ANO10: variants seen among roughly 807,000 people sequenced by gnomAD.
ANO10 encodes the protein anoctamin-10.
A neutral mutation model predicts 74.7 loss-of-function variants in ANO10; 77 were observed. That is an observed-to-expected ratio of 1.03 (90% CI 0.86 to 1.25). The LOEUF (loss-of-function observed/expected upper bound fraction) is 1.25. Ranked by LOEUF, ANO10 falls within the 50% of genes most tolerant of loss-of-function variation. The pLI is 0.00. For synonymous variants in ANO10, 279 were observed against 284.9 expected (o/e 0.98, Z 0.21); for missense variants, 721 against 778.1 (o/e 0.93, Z 0.87).
In ANO10 at chr3:43,433,751, T is replaced by A. The variant is rs530170575; in HGVS notation, c.1798-1024A>T. The stretch of plus-strand genomic sequence containing the variant: ...GCTGTTCAGATGTATAGGCTCAACC[T>A]ACTGATACTTCTCCGAATCCAGATC... On this transcript the variant is annotated intron_variant, in intron 11 of 12. Coordinates refer to ENST00000292246, the MANE Select transcript of ANO10 (RefSeq NM_018075.5). Among the ~76,000 whole-genome samples, 188 of 152,338 alleles carry A rather than the reference T, an allele frequency of 1.2e-3. 1 individual carries two copies. Among genetic ancestry groups the A allele is most frequent in the African/African-American group, 3.9e-3 (164 of 41,582 alleles).
intron 12 of ANO10, among the ~76,000 whole-genome samples, chr3:43,395,096 T>C (rs914379186): frequency 6.6e-6 from 1 of 152,142 alleles, no homozygotes; most frequent in Non-Finnish European, 1.5e-5. Flanking sequence ...AATTCTCTAA[T>C]ACAGTTCATC....
chr3:43,656,845 G>A lies in ANO10; in HGVS notation c.-12+34672C>T, dbSNP rs1170978950. On this transcript the variant is annotated intron_variant, in intron 1 of 3. Coordinates refer to the ANO10 transcript ENST00000413397. Reference sequence around the variant, plus strand: ...CCTGCAAGCTAAGGGAGTGGGCTCCGGCCTTGGCCAGCCCAGAAAGGGGCT... The same window carrying A: ...CCTGCAAGCTAAGGGAGTGGGCTCCAGCCTTGGCCAGCCCAGAAAGGGGCT... Among the ~76,000 whole-genome samples, 5 of 152,336 alleles carry A rather than the reference G, an allele frequency of 3.3e-5. No homozygotes were observed. The East Asian group carries it at 5.8e-4, about 18-fold the overall frequency.
chr3:43,560,908 G>A (rs1268884224), intron 9 of ANO10, among the ~76,000 whole-genome samples: 1 of 152,186 alleles, frequency 6.6e-6, no homozygotes, highest in African/African-American at 2.4e-5. Context: ...TGCCTCTTCA[G>A]GGACCATCTC....
chr3:43,434,813 G>A (rs1039448466), intron 11 of ANO10, among the ~76,000 whole-genome samples: 1 of 152,078 alleles, frequency 6.6e-6, no homozygotes, highest in Non-Finnish European at 1.5e-5. Flanking sequence ...CATGCGAACT[G>A]TTCACAAAAT....
intron 7 of ANO10, among the ~76,000 whole-genome samples, chr3:43,569,114 C>G (rs1408265623): frequency 7.3e-6 from 1 of 136,806 alleles, no homozygotes; most frequent in Middle Eastern, 3.2e-3. Flanking sequence ...TCGACACATA[C>G]ACTCTCCCAA....
intron 5 of ANO10, 95 bp downstream of exon 5, chr3:43,580,258 T>C: frequency 6.5e-7 from 1 of 1,539,358 alleles, no homozygotes; most frequent in Non-Finnish European, 8.9e-7. Context: ...AGTAGAGCAC[T>C]AAATATCTGC....
At chr3:43,649,896 G>C (rs534083412) in intron 1 of ANO10, among the ~76,000 whole-genome samples, 50 of 152,332 alleles carry the variant, frequency 3.3e-4, no homozygotes, top group Non-Finnish European at 6.3e-4. Flanking sequence ...CAGGAGCCAG[G>C]TACTGGGCTC....
At chr3:43,597,039 A>C (rs1185965082) in intron 4 of ANO10, among the ~76,000 whole-genome samples, 4 of 152,224 alleles carry the variant, frequency 2.6e-5, no homozygotes, top group African/African-American at 9.6e-5. Flanking sequence ...GCCATCAGAG[A>C]AATGCAAATC....
In ANO10 at chr3:43,425,645, T is replaced by C. The variant is rs377366824; in HGVS notation, c.1914+6966A>G. On this transcript the variant is annotated intron_variant, in intron 12 of 12. Transcript: ENST00000292246. The stretch of plus-strand genomic sequence containing the variant: ...ACTACCACCAGCATTAACATTAAAA[T>C]AGAGATCATTAGACTGTCAAAACAG... Among the ~76,000 whole-genome samples, 4 of 151,990 alleles carry C rather than the reference T, an allele frequency of 2.6e-5. No individual in the cohort carries two copies. The East Asian group carries it at 5.8e-4, about 22-fold the overall frequency.
At chr3:43,455,671 G>C (rs1174936976) in intron 11 of ANO10, among the ~76,000 whole-genome samples, 1 of 152,106 alleles carries the variant, frequency 6.6e-6, no homozygotes, top group African/African-American at 2.4e-5. Context: ...ACCACCCTAA[G>C]AACCCCTCTC....
rs144035101 is a variant in ANO10, at chr3:43,638,244, C to T, written c.-11-32381G>A. On this transcript the variant is annotated intron_variant, in intron 1 of 3. Transcript: ENST00000413397. ...CAATTGAAGAGATGAATAATTTTCA[C>T]AAGTAAGAAATAGATATTTTTGTTG... Among the ~76,000 whole-genome samples, 11 of 152,232 alleles carry T rather than the reference C, an allele frequency of 7.2e-5. No individual in the cohort carries two copies. The East Asian group carries it at 2.1e-3, about 29-fold the overall frequency.
At chr3:43,660,279 G>A (rs1253331143) in intron 1 of ANO10, among the ~76,000 whole-genome samples, 1 of 152,050 alleles carries the variant, frequency 6.6e-6, no homozygotes, top group Non-Finnish European at 1.5e-5. Flanking sequence ...GCTTCAGAAG[G>A]TTGGTAATAA....
intron 12 of ANO10, among the ~76,000 whole-genome samples, chr3:43,421,263 G>C (rs1011891209): frequency 1.3e-5 from 2 of 152,278 alleles, no homozygotes; most frequent in African/African-American, 4.8e-5. Flanking sequence ...GCTCACACTT[G>C]TAATCCCAGC....
intron 11 of ANO10, among the ~76,000 whole-genome samples, chr3:43,496,056 C>T (rs779840122): frequency 3.3e-5 from 5 of 152,104 alleles, no homozygotes; most frequent in Non-Finnish European, 7.4e-5. Context: ...ATGGAGCTCT[C>T]ATAAATAAGT....
Position 43,690,832 on chromosome 3 carries a change from G to T in ANO10, c.-12+685C>A, listed in dbSNP as rs565429045. On this transcript the variant is annotated intron_variant, in intron 1 of 3. Transcript: ENST00000413397. ...CGGACGCAAAGCCGGAGGCAAGGCC[G>T]CGCACGCGCAAACGCGGGCGCGCCG... The T allele has an allele frequency of 6.9e-4, 427 of 622,576 alleles. 9 individuals carry two copies. In the South Asian group the frequency reaches 0.015, roughly 22 times the overall value. The allele number at this position is 622,576 out of a possible 1,614,324, so 38.6% of individuals were successfully genotyped here.
At chr3:43,581,961 G>A (rs1380933840) in intron 4 of ANO10, among the ~76,000 whole-genome samples, 1 of 150,654 alleles carries the variant, frequency 6.6e-6, no homozygotes, top group Non-Finnish European at 1.5e-5. Flanking sequence ...GATAAAATTT[G>A]CATTAAGAAA....
At chr3:43,483,136 T>A (rs2076336632) in intron 11 of ANO10, among the ~76,000 whole-genome samples, 1 of 152,248 alleles carries the variant, frequency 6.6e-6, no homozygotes, top group Admixed American at 6.5e-5. Context: ...ATGGTCAGCA[T>A]CAAATGCCAC....
chr3:43,392,500 A>G (rs572276220), intron 12 of ANO10, among the ~76,000 whole-genome samples: 1 of 152,358 alleles, frequency 6.6e-6, no homozygotes, highest in African/African-American at 2.4e-5. Context: ...AATGGCTGCA[A>G]TAATTCCATT....
intron 12 of ANO10, among the ~76,000 whole-genome samples, chr3:43,390,846 C>CT (rs2092257499): frequency 1.3e-5 from 2 of 152,172 alleles, no homozygotes; most frequent in African/African-American, 2.4e-5. Context: ...TGTTCCTAAC[C>CT]TTGCTGATCA....
Sources: allele counts gnomAD v4.1 joint callset (sites outside exome capture counted in the v4.1 genomes callset), GRCh38; gene constraint gnomAD v4.1.1; transcripts MANE v1.5; gene names NCBI Gene and HGNC (gene_info 2026-07-23, HGNC 2026-07-21).